Variants in TSNARE1 observed in about 807,000 individuals in gnomAD.
TSNARE1 encodes the protein t-SNARE domain containing 1.
TSNARE1 carries 49 observed loss-of-function variants against 62.0 expected under a neutral mutation model. The ratio of observed to expected loss-of-function variants is 0.79; its 90% CI spans 0.63 to 1.00. The LOEUF (loss-of-function observed/expected upper bound fraction) is 1.00, where lower values mean the gene tolerates loss of function less well. Ranked by LOEUF, TSNARE1 falls within the 50% of genes least tolerant of loss-of-function variation. The pLI, the probability that TSNARE1 is intolerant of heterozygous loss-of-function variation, is 0.00. For synonymous variants in TSNARE1, 328 were observed against 294.4 expected (o/e 1.11, Z -1.17); for missense variants, 755 against 700.1 (o/e 1.08, Z -0.88).
intron 10 of TSNARE1, among the ~76,000 whole-genome samples, chr8:142,289,950 A>G (rs1196659356): frequency 6.6e-6 from 1 of 152,148 alleles, no homozygotes; most frequent in Non-Finnish European, 1.5e-5. Flanking sequence ...GGCCCACCAC[A>G]AGAGACAGAA....
chr8:142,304,757 G>A (rs559980995), intron 9 of TSNARE1, among the ~76,000 whole-genome samples: 5 of 152,352 alleles, frequency 3.3e-5, no homozygotes, highest in Non-Finnish European at 5.9e-5. Context: ...GCCACCTTCC[G>A]GACTCAGGTG....
intron 1 of TSNARE1, among the ~76,000 whole-genome samples, chr8:142,378,102 C>T (rs1204043003): frequency 6.6e-6 from 1 of 152,226 alleles, no homozygotes; most frequent in Non-Finnish European, 1.5e-5. Flanking sequence ...GCTGGAAAGG[C>T]GCAGCCCCAA....
chr8:142,386,157 T>C (rs1831936884), intron 1 of TSNARE1, among the ~76,000 whole-genome samples: 1 of 152,192 alleles, frequency 6.6e-6, no homozygotes. Flanking sequence ...TCAATCTACT[T>C]TGAGATCCAT....
chr8:142,319,904 C>T lies in TSNARE1; in HGVS notation c.894-1270G>A, dbSNP rs566587549. Among the ~76,000 whole-genome samples, 21 of 152,298 alleles carry T rather than the reference C, an allele frequency of 1.4e-4. No individual in the cohort carries two copies. Among genetic ancestry groups the T allele is most frequent in the South Asian group, 4.1e-4 (2 of 4,834 alleles). ...GCGCGGGGACAGGAGCTTTCTTCCC[C>T]GGGGCCTTGGTCAGGGCCGCCTCCT... On this transcript the variant is annotated intron_variant, in intron 6 of 13. Transcript: ENST00000524325. This position sits in a 1 kb window ranked among gnomAD's most constrained non-coding sequence, Gnocchi z 4.9.
Position 142,229,505 on chromosome 8 carries a change from G to A in TSNARE1, c.1521C>T (p.Ile507=), listed in dbSNP as rs142964918. The A allele has an allele frequency of 1.4e-5, 22 of 1,589,244 alleles. No individual in the cohort carries two copies. The highest frequency in any genetic ancestry group is 1.3e-4 in the Admixed American group (8 of 59,380). The stretch of plus-strand genomic sequence containing the variant: ...AGCATCACTTTCGGACAGAGGTGGC[G>A]ATGATGATGATGATGACAAGCAGGG... The part of the protein sequence containing the change: ...VTALLVIIII[I]ATSVRK The change falls in exon 13 of 14, where the codon ATC becomes ATT. Residue 507 remains isoleucine, a synonymous_variant. Transcript: ENST00000524325.
chr8:142,261,625 G>T lies in TSNARE1; in HGVS notation c.1446+13156C>A, dbSNP rs936253336. On this transcript the variant is annotated intron_variant, in intron 12 of 13. Coordinates refer to ENST00000524325, the MANE Select transcript of TSNARE1 (RefSeq NM_145003.5). ...TCCTGGCGGAGGAAAGATCTGTGAA[G>T]GCAGCATTTCTCCTTGCTCCTCATC... 2.6e-5 allele frequency among the ~76,000 whole-genome samples: 4 copies of T among 152,076 alleles called. No homozygotes were observed. The South Asian group carries it at 8.3e-4, about 31-fold the overall frequency.
Position 142,314,987 on chromosome 8 carries a change from C to T in TSNARE1, c.1074+16G>A. 6.2e-7 allele frequency: 1 copy of T among 1,613,886 alleles called. No individual in the cohort carries two copies. The highest frequency in any genetic ancestry group is 8.5e-7 in the Non-Finnish European group (1 of 1,179,760). Reference sequence around the variant, plus strand: ...ACCTGGCCTGCAGACCCCCACTGCCCCCACCAGCACCTCACCTTCTGCACC... The same window carrying T: ...ACCTGGCCTGCAGACCCCCACTGCCTCCACCAGCACCTCACCTTCTGCACC... On this transcript the variant is annotated intron_variant, in intron 8 of 13. Coordinates refer to ENST00000524325, the MANE Select transcript of TSNARE1 (RefSeq NM_145003.5).
chr8:142,325,169 T>C (rs1830020651), intron 6 of TSNARE1, among the ~76,000 whole-genome samples: 1 of 151,954 alleles, frequency 6.6e-6, no homozygotes, highest in South Asian at 2.1e-4. Flanking sequence ...GGCCTGGAAG[T>C]GAGGCCGGCA....
rs139815486 is a variant in TSNARE1 at position 142,330,481 on chromosome 8, G to A, written c.893+420C>T. 6.1e-3 allele frequency among the ~76,000 whole-genome samples: 930 copies of A among 152,346 alleles called. 5 individuals carry two copies. Among genetic ancestry groups the A allele is most frequent in the Non-Finnish European group, 0.011 (735 of 68,028 alleles). On this transcript the variant is annotated intron_variant, in intron 6 of 13. Transcript: ENST00000524325. ...ACGCCCCACTCCAACCTAGCCCATGGCTGTGCAAATGGTACATCTGTGTCA... is the reference window on the plus strand; with the variant it reads ...ACGCCCCACTCCAACCTAGCCCATGACTGTGCAAATGGTACATCTGTGTCA...
chr8:142,367,305 GA>G (rs1276735317), intron 1 of TSNARE1, among the ~76,000 whole-genome samples: 1 of 152,212 alleles, frequency 6.6e-6, no homozygotes, highest in Non-Finnish European at 1.5e-5. Context: ...GAATAACTGG[GA>G]AAACGCTAAA....
chr8:142,318,335 G>A (rs1319950939), intron 7 of TSNARE1, among the ~76,000 whole-genome samples: 4 of 152,312 alleles, frequency 2.6e-5, no homozygotes, highest in East Asian at 1.9e-4. Context: ...ACCAGCTCCC[G>A]GCACGTGGTC....
chr8:142,278,739 G>C (rs1038023642), intron 11 of TSNARE1: 1 of 985,452 alleles, frequency 1.0e-6, no homozygotes, highest in Non-Finnish European at 1.2e-6. Context: ...GGCTCGGAAG[G>C]GGGCACAGCG....
chr8:142,314,607 G>A (rs545337289), intron 8 of TSNARE1, among the ~76,000 whole-genome samples, 167 bp from the exon 9 acceptor site: 2 of 152,054 alleles, frequency 1.3e-5, no homozygotes, highest in South Asian at 2.1e-4. Flanking sequence ...CCAGCGACTC[G>A]CTGGATGGCC....
At chr8:142,249,459 G>GGGTGGCAATTCCCAAGATCCCC (rs1252047734) in intron 12 of TSNARE1, among the ~76,000 whole-genome samples, 43 of 152,336 alleles carry the variant, frequency 2.8e-4, no homozygotes, top group South Asian at 1.2e-3. Context: ...AGGGGGGTTT[G>GGGTGGCAATTCCCAAGATCCCC]GGTGGCAATT....
At chr8:142,359,951 C>G (rs1835030132) in intron 1 of TSNARE1, among the ~76,000 whole-genome samples, 1 of 152,156 alleles carries the variant, frequency 6.6e-6, no homozygotes, top group East Asian at 1.9e-4. Flanking sequence ...CTGGCTCGCT[C>G]GGATGGGACT....
rs762043586 is a variant in TSNARE1, at chr8:142,372,764, G to A, written c.-39-18001C>T. On this transcript the variant is annotated intron_variant, in intron 1 of 13. Transcript: ENST00000524325. Reference sequence around the variant, plus strand: ...CACCAGTGCCATTTCCTTCCCTGCTGTGCCTCTCCCAGCAGACTCCCCCAG... The same window carrying A: ...CACCAGTGCCATTTCCTTCCCTGCTATGCCTCTCCCAGCAGACTCCCCCAG... 4.6e-5 allele frequency among the ~76,000 whole-genome samples: 7 copies of A among 152,092 alleles called. No individual in the cohort carries two copies. In the East Asian group the frequency reaches 7.7e-4, roughly 17 times the overall value.
intron 1 of TSNARE1, among the ~76,000 whole-genome samples, chr8:142,366,569 T>G (rs1426155286): frequency 6.6e-6 from 1 of 152,146 alleles, no homozygotes; most frequent in African/African-American, 2.4e-5. Context: ...TCTACAGATG[T>G]TAAAAACAGC....
chr8:142,295,546 G>C (rs1222007134), intron 10 of TSNARE1, among the ~76,000 whole-genome samples: 1 of 152,232 alleles, frequency 6.6e-6, no homozygotes, highest in South Asian at 2.1e-4. Context: ...CGGCTGCCCT[G>C]CGGCCAGTGA....
At chr8:142,280,106 TG>T in intron 11 of TSNARE1, 1 of 1,161,956 alleles carries the variant, frequency 8.6e-7, no homozygotes. Context: ...CGGGCAGGTG[TG>T]CCCCGCAGCG....
Sources: gnomAD v4.1 joint callset for allele counts (sites outside exome capture counted in the v4.1 genomes callset) on GRCh38, gnomAD v4.1.1 for gene constraint, Gnocchi (gnomAD v3.1) non-coding constraint, MANE v1.5 for transcripts, NCBI Gene and HGNC (gene_info 2026-07-23, HGNC 2026-07-21) for gene names.